Variants in OVOL2 observed in about 807,000 individuals in gnomAD.
The protein encoded by OVOL2 is ovo like zinc finger 2.
In OVOL2, 13 loss-of-function variants were observed where a neutral mutation model predicts 18.1. The ratio of observed to expected loss-of-function variants is 0.72; its 90% CI spans 0.47 to 1.14. OVOL2 has a LOEUF of 1.14. OVOL2 is among the 50% of genes most tolerant of loss of function. The probability of loss-of-function intolerance (pLI) is 0.00; values close to 1 mark genes in which losing one functional copy is unlikely to be tolerated. For synonymous variants in OVOL2, 166 were observed against 162.7 expected, an observed-to-expected ratio of 1.02 and a Z score of -0.16; for missense variants, 335 against 383.0, an observed-to-expected ratio of 0.87 and a Z score of 1.05.
At chr20:18,053,093 G>C (rs920206074) in intron 2 of OVOL2, among the ~76,000 whole-genome samples, 11 of 152,202 alleles carry the variant, frequency 7.2e-5, no homozygotes, top group Non-Finnish European at 1.2e-4. Flanking sequence ...CAGGTAGGCT[G>C]GGAAGGGCCA....
intron 3 of OVOL2, among the ~76,000 whole-genome samples, chr20:18,038,679 G>A (rs1035874457): frequency 6.6e-6 from 1 of 152,130 alleles, no homozygotes; most frequent in African/African-American, 2.4e-5. Flanking sequence ...GCCAGGGTGG[G>A]GGAGTGACCA....
chr20:18,053,038 A>G (rs2036783675), intron 2 of OVOL2, among the ~76,000 whole-genome samples: 1 of 152,240 alleles, frequency 6.6e-6, no homozygotes, highest in Admixed American at 6.5e-5. Flanking sequence ...TCTCAGTAGT[A>G]AAGAGACAAT....
At chr20:18,040,893 A>C (rs1209274938) in intron 3 of OVOL2, among the ~76,000 whole-genome samples, 1 of 152,236 alleles carries the variant, frequency 6.6e-6, no homozygotes, top group Admixed American at 6.5e-5. Flanking sequence ...TTGTGGGGCC[A>C]CAAGAACCAC....
At chr20:18,047,787 G>A (rs2036736066) in intron 2 of OVOL2, among the ~76,000 whole-genome samples, 1 of 141,160 alleles carries the variant, frequency 7.1e-6, no homozygotes, top group African/African-American at 2.7e-5. Flanking sequence ...CCGGGAGGCG[G>A]AGGTTGCAGT....
chr20:18,054,843 C>T (rs1453070483), intron 2 of OVOL2, among the ~76,000 whole-genome samples: 2 of 151,474 alleles, frequency 1.3e-5, no homozygotes, highest in Non-Finnish European at 2.9e-5. Context: ...GTTCAGCATG[C>T]CTTGGAAAGA....
rs1425079667 is a variant in OVOL2 at position 18,056,329 on chromosome 20, A to T, written c.321+328T>A. On this transcript the variant is annotated intron_variant, in intron 2 of 3. Transcript: ENST00000278780. The surrounding 1 kb of genome is among the most constrained non-coding windows in gnomAD (Gnocchi z 4.2). The stretch of plus-strand genomic sequence containing the variant: ...CTTGGTTATTCTACAGGCCTAGCGC[A>T]CAGAACGGGCTGCTGGCGGAAGGCA... Among the ~76,000 whole-genome samples, 3 of 152,212 alleles carry T rather than the reference A, an allele frequency of 2.0e-5. No homozygotes were observed. The highest frequency in any genetic ancestry group is 4.4e-5 in the Non-Finnish European group (3 of 68,024).
In OVOL2 at chr20:18,051,552, A is replaced by G. The variant is rs150027132; in HGVS notation, c.321+5105T>C. On this transcript the variant is annotated intron_variant, in intron 2 of 3. Transcript: ENST00000278780. ...AATATTCAGTGCCTCTGATGAAGAC[A>G]GATGCCCCACAGTGTGACATATTCT... 6.2e-3 allele frequency among the ~76,000 whole-genome samples: 940 copies of G among 152,296 alleles called. 16 individuals carry two copies. Among genetic ancestry groups the G allele is most frequent in the African/African-American group, 0.022 (894 of 41,562 alleles).
intron 2 of OVOL2, among the ~76,000 whole-genome samples, chr20:18,054,439 A>T (rs2122727732): frequency 6.6e-6 from 1 of 152,306 alleles, no homozygotes; most frequent in Non-Finnish European, 1.5e-5. Flanking sequence ...CTGGGAGCCC[A>T]CTGCCTAAGA....
At chr20:18,041,399 G>C in intron 3 of OVOL2, 135 bp downstream of exon 3, 2 of 1,095,012 alleles carry the variant, frequency 1.8e-6, no homozygotes, top group Non-Finnish European at 2.5e-6. Context: ...TCCTAACCTC[G>C]TGATCCGCAT....
upstream of OVOL2, chr20:18,057,961 G>A (rs2036846618): frequency 6.7e-6 from 7 of 1,041,956 alleles, no homozygotes; most frequent in Non-Finnish European, 8.4e-6. The surrounding 1 kb of genome is among the most constrained non-coding windows in gnomAD (Gnocchi z 6.3). Flanking sequence ...CAACAAGCTC[G>A]CTACCTGTCC....
intron 3 of OVOL2, among the ~76,000 whole-genome samples, chr20:18,030,870 C>T (rs1235910777): frequency 1.3e-5 from 2 of 152,152 alleles, no homozygotes; most frequent in African/African-American, 2.4e-5. Flanking sequence ...TTCACTGGTG[C>T]GGGCACTGCC....
At chr20:18,048,036 C>A (rs2036739892) in intron 2 of OVOL2, among the ~76,000 whole-genome samples, 1 of 151,592 alleles carries the variant, frequency 6.6e-6, no homozygotes, top group Non-Finnish European at 1.5e-5. Flanking sequence ...GCCTGTAATC[C>A]CAGCACTTTG....
intron 2 of OVOL2, among the ~76,000 whole-genome samples, chr20:18,048,473 T>A (rs2036743662): frequency 6.6e-6 from 1 of 152,036 alleles, no homozygotes; most frequent in Non-Finnish European, 1.5e-5. Context: ...ATGCCTGTAA[T>A]CCCAGCACTT....
chr20:18,042,121 C>T (rs574331939), intron 2 of OVOL2, among the ~76,000 whole-genome samples: 1 of 152,086 alleles, frequency 6.6e-6, no homozygotes, highest in East Asian at 2.0e-4. Flanking sequence ...CCATGTTGGC[C>T]AGGCTGGTCT....
chr20:18,052,294 T>C (rs2036777790), intron 2 of OVOL2, among the ~76,000 whole-genome samples: 1 of 152,170 alleles, frequency 6.6e-6, no homozygotes, highest in African/African-American at 2.4e-5. Flanking sequence ...TCAATTACAA[T>C]GTGTGGACAT....
intron 3 of OVOL2, among the ~76,000 whole-genome samples, chr20:18,026,381 CATT>C (rs2036515602): frequency 9.1e-6 from 1 of 109,562 alleles, no homozygotes. Context: ...ATCAGGAATC[CATT>C]TTTTTTTTTT....
chr20:18,056,736 G>T lies in OVOL2; in HGVS notation c.242C>A (p.Thr81Asn). Reference protein sequence around the residue: ...SSSPHAPESETPEPGDAEGPD... With the variant: ...SSSPHAPESENPEPGDAEGPD... ...GCCCTCGGCGTCGCCGGGCTCGGGG[G>T]TTTCGCTCTCGGGGGCGTGCGGGGA... Residue 81 changes from threonine (T) to asparagine (N), a missense_variant, in exon 2 of 4, where the codon ACC (threonine) becomes AAC (asparagine). Transcript: ENST00000278780. This position sits in a 1 kb window ranked among gnomAD's most constrained non-coding sequence, Gnocchi z 4.2. 6.7e-7 allele frequency: 1 copy of T among 1,485,138 alleles called. No homozygotes were observed. The highest frequency in any genetic ancestry group is 8.9e-7 in the Non-Finnish European group (1 of 1,124,914). The allele number at this position is 1,485,138 out of a possible 1,614,324, so 92.0% of individuals were successfully genotyped here.
intron 2 of OVOL2, among the ~76,000 whole-genome samples, chr20:18,049,309 C>A (rs561041000): frequency 6.6e-6 from 1 of 152,244 alleles, no homozygotes; most frequent in East Asian, 1.9e-4. Context: ...TCAAAGCCGG[C>A]TCAGATCATT....
In OVOL2 at chr20:18,024,898, G is replaced by C. The variant is rs1455106266; in HGVS notation, c.566C>G (p.Ser189Cys). The stretch of plus-strand genomic sequence containing the variant: ...GATTTTCTTCAGGTGGGACTCCAGA[G>C]AGCAGCGCTGGGTGAAGGCTTTATT... ...VCNKAFTQRC[S>C]LESHLKKIHG... The change falls in exon 4 of 4, where the codon TCT (serine) becomes TGT (cysteine). Residue 189 changes from serine to cysteine, a missense_variant. Ser to Cys is a moderately radical substitution (Grantham distance 112, BLOSUM62 -1). Transcript: ENST00000278780. 6.2e-7 allele frequency: 1 copy of C among 1,614,180 alleles called. No individual in the cohort carries two copies. Among genetic ancestry groups the C allele is most frequent in the Non-Finnish European group, 8.5e-7 (1 of 1,180,032 alleles).
Sources: gnomAD v4.1 joint callset for allele counts (sites outside exome capture counted in the v4.1 genomes callset) on GRCh38, gnomAD v4.1.1 for gene constraint, Gnocchi (gnomAD v3.1) non-coding constraint, MANE v1.5 for transcripts, NCBI Gene and HGNC (gene_info 2026-07-23, HGNC 2026-07-21) for gene names.